Variants in HDAC9 observed in about 807,000 individuals in gnomAD.
HDAC9 encodes histone deacetylase 9, also known as MEF-2 interacting transcription repressor (MITR) protein.
Under a neutral mutation model 139.4 loss-of-function variants are expected in HDAC9, and 41 were observed. That is an observed-to-expected ratio of 0.29 (90% CI 0.23 to 0.38). The LOEUF is 0.38. HDAC9 is among the 10% of genes least tolerant of loss of function. HDAC9 has a pLI of 1.00. For missense variants in HDAC9, 1,147 were observed against 1,297.0 expected, an observed-to-expected ratio of 0.88 and a Z score of 1.78; for synonymous variants, 517 against 476.2, an observed-to-expected ratio of 1.09 and a Z score of -1.12.
At chr7:18,267,730 T>G (rs1796093120) in intron 2 of HDAC9, among the ~76,000 whole-genome samples, 1 of 152,164 alleles carries the variant, frequency 6.6e-6, no homozygotes, top group Non-Finnish European at 1.5e-5. Context: ...ATACTTTGGC[T>G]GTTGTGAATA....
At chr7:18,822,322 G>T (rs1016435433) in intron 17 of HDAC9, among the ~76,000 whole-genome samples, 1 of 150,096 alleles carries the variant, frequency 6.7e-6, no homozygotes, top group African/African-American at 2.4e-5. Context: ...AGAGTCCAAG[G>T]GTTTGGTTTT....
Position 18,751,623 on chromosome 7 carries a change from T to A in HDAC9, c.2043+2485T>A, listed in dbSNP as rs1788455525. ...AAACATGAAATGGAACTTCTAAAAC[T>A]GCTAAAAATTAATTCACTTTTAAGA... On this transcript the variant is annotated intron_variant, in intron 14 of 25. Transcript: ENST00000686413. 3.3e-5 allele frequency among the ~76,000 whole-genome samples: 5 copies of A among 152,110 alleles called. No homozygotes were observed. The South Asian group carries it at 8.3e-4, about 25-fold the overall frequency.
intron 2 of HDAC9, among the ~76,000 whole-genome samples, chr7:18,270,118 A>C (rs571363355): frequency 5.3e-5 from 8 of 152,138 alleles, no homozygotes; most frequent in Admixed American, 4.6e-4. Flanking sequence ...GCATTGCTAG[A>C]TGTCCCCCTG....
At chr7:18,424,185 A>G (rs936378011) in intron 1 of HDAC9, among the ~76,000 whole-genome samples, 7 of 152,202 alleles carry the variant, frequency 4.6e-5, no homozygotes, top group Admixed American at 2.6e-4. Flanking sequence ...CCAAATGTTT[A>G]CTGTTACACA....
At chr7:18,747,304 A>G (rs754025061) in intron 13 of HDAC9, among the ~76,000 whole-genome samples, 5 of 152,186 alleles carry the variant, frequency 3.3e-5, no homozygotes, top group Admixed American at 6.6e-5. Context: ...CAGGTTCTGC[A>G]TTACAAGGCA....
chr7:18,505,210 A>G (rs910014532), intron 2 of HDAC9, among the ~76,000 whole-genome samples: 2 of 152,236 alleles, frequency 1.3e-5, no homozygotes, highest in African/African-American at 2.4e-5. Flanking sequence ...GCCAGTGTTC[A>G]TGATACACAG....
At position 18,762,237 on chromosome 7, in the gene HDAC9, C is replaced by T; in HGVS notation, c.2124C>T (p.Asn708=). The change falls in exon 15 of 26, where the codon AAC becomes AAT. Residue 708 remains asparagine (N), a synonymous_variant. Transcript: ENST00000686413. The part of the protein sequence containing the change: ...SEHHSLLYGT[N]PLDGQKLDPR... ...ATCACTCACTGTTGTATGGCACCAA[C>T]CCCCTGGACGGACAGAAGCTGGACC... is the stretch of plus-strand genomic sequence containing the variant. 6.2e-7 allele frequency: 1 copy of T among 1,613,554 alleles called. No individual in the cohort carries two copies. The highest frequency in any genetic ancestry group is 1.1e-5 in the South Asian group (1 of 91,068).
intron 1 of HDAC9, among the ~76,000 whole-genome samples, chr7:18,294,138 G>A (rs1048616602): frequency 2.0e-5 from 3 of 152,000 alleles, no homozygotes; most frequent in Non-Finnish European, 4.4e-5. Flanking sequence ...AAATTCACAG[G>A]TTTGGGGTGA....
chr7:18,750,010 C>T (rs1404596525), intron 14 of HDAC9, among the ~76,000 whole-genome samples: 1 of 152,100 alleles, frequency 6.6e-6, no homozygotes, highest in Non-Finnish European at 1.5e-5. Context: ...CAAATATGGT[C>T]CCAAAATGTA....
In HDAC9 at chr7:18,980,131, A is replaced by G. The variant is rs543208576; in HGVS notation, c.3170+4178A>G. Among the ~76,000 whole-genome samples the G allele has an allele frequency of 5.9e-5, 9 of 152,166 alleles. No homozygotes were observed. The East Asian group carries it at 1.7e-3, about 29-fold the overall frequency. On this transcript the variant is annotated intron_variant, in intron 25 of 25. Coordinates refer to ENST00000686413, the MANE Select transcript of HDAC9 (RefSeq NM_178425.4). ...CTTTCCTCCTCTTCCCAGGGCCATC[A>G]TTTTATCTCTATTTTCCCAACGTGT...
At chr7:18,092,938 T>A (rs1463427347) in intron 1 of HDAC9, among the ~76,000 whole-genome samples, 1 of 152,166 alleles carries the variant, frequency 6.6e-6, no homozygotes, top group Admixed American at 6.5e-5. Context: ...GAAAGACTTT[T>A]AAGGGACTGA....
intron 6 of HDAC9, among the ~76,000 whole-genome samples, chr7:18,609,761 C>T (rs1426016928): frequency 1.3e-5 from 2 of 151,504 alleles, no homozygotes; most frequent in African/African-American, 4.9e-5. Context: ...AGTATTTCTC[C>T]TAATGCTATC....
intron 1 of HDAC9, among the ~76,000 whole-genome samples, chr7:18,434,505 G>T (rs1402062992): frequency 1.3e-5 from 2 of 152,088 alleles, no homozygotes; most frequent in African/African-American, 4.8e-5. Context: ...TGCAACAAAG[G>T]TCTAATATCC....
intron 3 of HDAC9, among the ~76,000 whole-genome samples, chr7:18,586,266 A>G (rs1829443287): frequency 6.6e-6 from 1 of 152,084 alleles, no homozygotes; most frequent in Non-Finnish European, 1.5e-5. Flanking sequence ...TTGTATCTTC[A>G]GAGATAAATA....
At chr7:18,186,738 A>C (rs1789946354) in intron 2 of HDAC9, among the ~76,000 whole-genome samples, 1 of 152,236 alleles carries the variant, frequency 6.6e-6, no homozygotes, top group South Asian at 2.1e-4. Flanking sequence ...ATGATGTGGT[A>C]ATTGAATTCC....
chr7:18,609,505 C>T (rs968055842), intron 6 of HDAC9, among the ~76,000 whole-genome samples: 2 of 152,132 alleles, frequency 1.3e-5, no homozygotes, highest in African/African-American at 2.4e-5. Context: ...ACTAATCAGT[C>T]ACAGCAAACT....
chr7:18,504,553 C>T (rs1459314126), intron 2 of HDAC9, among the ~76,000 whole-genome samples: 1 of 152,242 alleles, frequency 6.6e-6, no homozygotes, highest in African/African-American at 2.4e-5. Context: ...GATCTGCCCG[C>T]CTTGGCCTCC....
intron 22 of HDAC9, among the ~76,000 whole-genome samples, chr7:18,933,354 G>T (rs1804951462): frequency 6.6e-6 from 1 of 151,928 alleles, no homozygotes; most frequent in Admixed American, 6.6e-5. Context: ...TACCTAATCT[G>T]GATTAAAGAG....
At chr7:18,160,757 C>T (rs1787572302) in intron 1 of HDAC9, among the ~76,000 whole-genome samples, 1 of 152,060 alleles carries the variant, frequency 6.6e-6, no homozygotes, top group Non-Finnish European at 1.5e-5. Context: ...GCTGGGATTA[C>T]AGGCGCCCAC....
Sources: allele counts gnomAD v4.1 joint callset (sites outside exome capture counted in the v4.1 genomes callset), GRCh38; gene constraint gnomAD v4.1.1; transcripts MANE v1.5; gene names NCBI Gene and HGNC (gene_info 2026-07-23, HGNC 2026-07-21).